Variants in NCOA6 observed in about 807,000 individuals in gnomAD.
NCOA6 encodes the protein NRC RAP250.
Under a neutral mutation model 171.4 loss-of-function variants are expected in NCOA6, and 49 were observed. The ratio of observed to expected loss-of-function variants is 0.29; its 90% confidence interval spans 0.23 to 0.36. NCOA6 has a LOEUF of 0.36. Among genes scored for constraint, NCOA6 ranks in the 10% least tolerant of loss-of-function variants. The pLI is 1.00. For missense variants in NCOA6, 2,248 were observed against 2,554.5 expected (o/e 0.88, Z 2.59); for synonymous variants, 910 against 927.5 (o/e 0.98, Z 0.34).
At chr20:34,729,952 A>C (rs1393176082) in intron 13 of NCOA6, among the ~76,000 whole-genome samples, 1 of 152,136 alleles carries the variant, frequency 6.6e-6, no homozygotes, top group African/African-American at 2.4e-5. Context: ...GCTGGGGTGG[A>C]ATTACAAGTC....
intron 1 of NCOA6, among the ~76,000 whole-genome samples, chr20:34,816,416 T>C (rs899763105): frequency 3.3e-5 from 5 of 152,110 alleles, no homozygotes; most frequent in African/African-American, 1.2e-4. Context: ...AAGGGAAATT[T>C]GGACACAGAG....
intron 2 of NCOA6, among the ~76,000 whole-genome samples, chr20:34,784,361 G>T (rs1358034000): frequency 6.6e-6 from 1 of 151,734 alleles, no homozygotes; most frequent in East Asian, 1.9e-4. Context: ...AGCAGCTGGG[G>T]TTACAGGCGT....
chr20:34,773,001 G>A (rs1032252741), intron 4 of NCOA6, among the ~76,000 whole-genome samples: 1 of 152,126 alleles, frequency 6.6e-6, no homozygotes, highest in African/African-American at 2.4e-5. Context: ...GCTAATTTGT[G>A]TCAAAGAGAA....
Position 34,740,276 on chromosome 20 carries a change from C to T in NCOA6, c.5893+87G>A. ...GCCATTTAGCCCATTCTCTTTCCTC[C>T]AAGTAAAAAAGGAGTCATGCTTTCT... On this transcript the variant is annotated intron_variant, in intron 11 of 14. Transcript: ENST00000359003. The T allele has an allele frequency of 3.4e-6, 5 of 1,487,210 alleles. No homozygotes were observed. The South Asian group carries it at 4.1e-5, about 12-fold the overall frequency. 92.1% of individuals were successfully genotyped at this position (1,487,210 alleles called of 1,614,324 possible).
At position 34,759,033 on chromosome 20, in the gene NCOA6, T is replaced by G. The variant is rs529607834; in HGVS notation, c.515-100A>C. On this transcript the variant is annotated intron_variant, in intron 5 of 14. Transcript: ENST00000359003. ...ATGAAAAGATATGGAAAATTTGTTT[T>G]TTTTTTTTTGACAGGGTCTCGCTCT... 9.9e-5 allele frequency: 137 copies of G among 1,384,878 alleles called. 1 individual carries two copies. The East Asian group carries it at 2.8e-3, about 29-fold the overall frequency. The allele number at this position is 1,384,878 out of a possible 1,614,324, so 85.8% of individuals were successfully genotyped here.
intron 14 of NCOA6, among the ~76,000 whole-genome samples, chr20:34,716,380 A>C (rs910593156): frequency 6.6e-6 from 1 of 152,216 alleles, no homozygotes; most frequent in African/African-American, 2.4e-5. Flanking sequence ...GGAAATGACT[A>C]TGTTTTGATT....
At chr20:34,809,125 G>A (rs555842464) in intron 1 of NCOA6, among the ~76,000 whole-genome samples, 1 of 152,286 alleles carries the variant, frequency 6.6e-6, no homozygotes, top group South Asian at 2.1e-4. Context: ...TTCGCCTCCA[G>A]AATTATGAAC....
rs374983655 is a variant in NCOA6 at position 34,811,658 on chromosome 20, C to T, written c.-164+13814G>A. 2.0e-5 allele frequency among the ~76,000 whole-genome samples: 3 copies of T among 152,168 alleles called. No individual in the cohort carries two copies. In the East Asian group the frequency reaches 5.8e-4, roughly 29 times the overall value. On this transcript the variant is annotated intron_variant, in intron 1 of 14. Coordinates refer to ENST00000359003, the MANE Select transcript of NCOA6 (RefSeq NM_014071.5). ...TTACCAACTGCCTACTAGCACTCTG[C>T]TAGGCACTTTCCTGCTCCTGAAGTT...
At chr20:34,775,263 T>G (rs1015289260) in intron 4 of NCOA6, among the ~76,000 whole-genome samples, 1 of 151,948 alleles carries the variant, frequency 6.6e-6, no homozygotes, top group Non-Finnish European at 1.5e-5. Flanking sequence ...TACCAAGAGA[T>G]AGCAGGATTT....
chr20:34,741,368 T>C lies in NCOA6; in HGVS notation c.4888A>G (p.Thr1630Ala). 1.2e-6 allele frequency: 2 copies of C among 1,614,234 alleles called. No homozygotes were observed. Among genetic ancestry groups the C allele is most frequent in the Non-Finnish European group, 1.7e-6 (2 of 1,180,038 alleles). Residue 1630 changes from threonine to alanine, a missense_variant, in exon 11 of 15, where the codon ACA (threonine) becomes GCA (alanine). Coordinates refer to ENST00000359003, the MANE Select transcript of NCOA6 (RefSeq NM_014071.5). ...LQSALMSTVV[T>A]MPNAGSKVMV... The stretch of plus-strand genomic sequence containing the variant: ...ACCTTGCTACCCGCATTGGGCATTG[T>C]GACAACTGTTGACATCAATGCAGAC...
intron 5 of NCOA6, 140 bp from the exon 6 acceptor site, chr20:34,759,073 C>A (rs1288165760): frequency 6.8e-6 from 6 of 882,404 alleles, no homozygotes; most frequent in Admixed American, 2.7e-5. Flanking sequence ...CCCAGTCTGC[C>A]AAGTGGCACA....
At chr20:34,822,313 A>G (rs2079030815) in intron 1 of NCOA6, among the ~76,000 whole-genome samples, 1 of 152,180 alleles carries the variant, frequency 6.6e-6, no homozygotes, top group Admixed American at 6.6e-5. Flanking sequence ...GGTTCCTAAC[A>G]TGGTCTTCCT....
In NCOA6 at chr20:34,792,434, A is replaced by C; in HGVS notation, c.-50+16T>G. The C allele has an allele frequency of 5.0e-6, 2 of 397,764 alleles. No homozygotes were observed. Among genetic ancestry groups the C allele is most frequent in the Non-Finnish European group, 8.9e-6 (2 of 225,566 alleles). The allele number at this position is 397,764 out of a possible 1,614,324, so 24.6% of individuals were successfully genotyped here. On this transcript the variant is annotated intron_variant, in intron 2 of 14. Coordinates refer to ENST00000359003, the MANE Select transcript of NCOA6 (RefSeq NM_014071.5). ...AAGTTGGCTTTATTAACTCTCTCGC[A>C]TAAGGTTTCACTCACCAAAATCTCT...
At chr20:34,822,692 T>C (rs1011387347) in intron 1 of NCOA6, among the ~76,000 whole-genome samples, 5 of 152,202 alleles carry the variant, frequency 3.3e-5, no homozygotes, top group Non-Finnish European at 7.3e-5. Flanking sequence ...ATGCAGTAGA[T>C]GCCTTGAGGC....
At chr20:34,776,632 T>C in intron 3 of NCOA6, 184 bp from the exon 4 acceptor site, 1 of 732,976 alleles carries the variant, frequency 1.4e-6, no homozygotes, top group Non-Finnish European at 2.4e-6. Flanking sequence ...AGCACCTGGG[T>C]GACCATGAAC....
chr20:34,785,060 G>A (rs892886464), intron 2 of NCOA6, among the ~76,000 whole-genome samples: 3 of 151,912 alleles, frequency 2.0e-5, no homozygotes, highest in Non-Finnish European at 4.4e-5. Flanking sequence ...CAGCCTAGGG[G>A]ACAAGAGCAA....
At chr20:34,823,244 G>A (rs1368979277) in intron 1 of NCOA6, among the ~76,000 whole-genome samples, 1 of 152,102 alleles carries the variant, frequency 6.6e-6, no homozygotes, top group Non-Finnish European at 1.5e-5. Flanking sequence ...TAGGCTGGGC[G>A]CGGTGGCTCA....
At chr20:34,769,664 T>C (rs984261483) in intron 4 of NCOA6, among the ~76,000 whole-genome samples, 2 of 152,054 alleles carry the variant, frequency 1.3e-5, no homozygotes, top group Non-Finnish European at 2.9e-5. Flanking sequence ...GTGCCCAGCC[T>C]GCATAGGATT....
At position 34,749,813 on chromosome 20, in the gene NCOA6, G is replaced by C. The variant is rs745747884; in HGVS notation, c.2382C>G (p.Ser794Arg). ...QGQVLRPPGP[S>R]PHMAQQHGDP... The stretch of plus-strand genomic sequence containing the variant: ...CACCATGCTGCTGGGCCATGTGTGG[G>C]CTGGGCCCTGGTGGCCGCAGGACCT... The change falls in exon 9 of 15, where the codon AGC becomes AGG. Residue 794 changes from serine (S) to arginine (R), a missense_variant. Coordinates refer to ENST00000359003, the MANE Select transcript of NCOA6 (RefSeq NM_014071.5). 2 of 1,614,226 alleles carry C rather than the reference G, an allele frequency of 1.2e-6. No individual in the cohort carries two copies. The highest frequency in any genetic ancestry group is 2.2e-5 in the South Asian group (2 of 91,088).
Sources: gnomAD v4.1 joint callset for allele counts (sites outside exome capture counted in the v4.1 genomes callset) on GRCh38, gnomAD v4.1.1 for gene constraint, MANE v1.5 for transcripts, NCBI Gene and HGNC (gene_info 2026-07-23, HGNC 2026-07-21) for gene names.